Variants in ZNF496 observed in about 807,000 individuals in gnomAD.
ZNF496 encodes zinc finger protein 496, also known as NSD1 (nuclear receptor binding SET-domain containing 1)-interacting zinc finger protein 1.
ZNF496 carries 11 observed loss-of-function variants against 58.9 expected under a neutral mutation model. The ratio of observed to expected loss-of-function variants is 0.19; its 90% CI spans 0.12 to 0.31. The LOEUF (loss-of-function observed/expected upper bound fraction) is 0.31, where lower values mean the gene tolerates loss of function less well. ZNF496 is among the 10% of genes least tolerant of loss of function. The probability of loss-of-function intolerance (pLI) is 1.00; values close to 1 mark genes in which losing one functional copy is unlikely to be tolerated. For synonymous variants in ZNF496, 338 were observed against 318.2 expected (o/e 1.06, Z -0.66); for missense variants, 660 against 783.0 (o/e 0.84, Z 1.88).
intron 5 of ZNF496, among the ~76,000 whole-genome samples, chr1:247,324,529 C>T (rs542161877): frequency 6.8e-6 from 1 of 147,922 alleles, no homozygotes; most frequent in South Asian, 2.2e-4. Flanking sequence ...ATTAGCTTGA[C>T]TTTTTTTTTT....
intron 6 of ZNF496, among the ~76,000 whole-genome samples, chr1:247,315,258 T>A (rs1659734958): frequency 6.6e-6 from 1 of 152,042 alleles, no homozygotes; most frequent in African/African-American, 2.4e-5. Flanking sequence ...CTTCAATGCC[T>A]CCAGATGTGC....
At position 247,309,798 on chromosome 1, in the gene ZNF496, C is replaced by A; in HGVS notation, c.793G>T (p.Ala265Ser). Residue 265 changes from alanine to serine, a missense_variant, in exon 8 of 10, where the codon GCT becomes TCT. Physicochemically the swap from Ala to Ser is moderately conservative, Grantham distance 99 (BLOSUM62 1). Transcript: ENST00000682384. This position sits in a 1 kb window ranked among gnomAD's most constrained non-coding sequence, Gnocchi z 4.3. ...YGVSMPPNDL[A>S]AQPDLSQGEE... ...CCCTGGGAGAGATCTGGCTGGGCAGCTAGGTCGTCTGTTCAAAGAAAAAGG... is the reference window on the plus strand; with the variant it reads ...CCCTGGGAGAGATCTGGCTGGGCAGATAGGTCGTCTGTTCAAAGAAAAAGG... The A allele has an allele frequency of 6.2e-7, 1 of 1,614,160 alleles. No homozygotes were observed.
intron 6 of ZNF496, among the ~76,000 whole-genome samples, chr1:247,320,569 G>T (rs1659931393): frequency 6.6e-6 from 1 of 152,104 alleles, no homozygotes; most frequent in African/African-American, 2.4e-5. Flanking sequence ...ATGTATCATT[G>T]TCAATACCCT....
At chr1:247,326,226 C>T (rs1660124740) in intron 5 of ZNF496, among the ~76,000 whole-genome samples, 1 of 151,710 alleles carries the variant, frequency 6.6e-6, no homozygotes, top group Non-Finnish European at 1.5e-5. Flanking sequence ...TTTCAAGAAT[C>T]ACTTCGGAGA....
chr1:247,307,346 A>G, intron 9 of ZNF496: 1 of 985,392 alleles, frequency 1.0e-6, no homozygotes, highest in South Asian at 4.7e-5. Context: ...AGTCTGTGTC[A>G]GAGTCCAGCA....
chr1:247,329,419 C>T lies in ZNF496; in HGVS notation c.160G>A (p.Ala54Thr). The change falls in exon 4 of 10, where the codon GCG becomes ACG. Residue 54 changes from alanine to threonine, a missense_variant. Transcript: ENST00000682384. This position sits in a 1 kb window ranked among gnomAD's most constrained non-coding sequence, Gnocchi z 5.5. The part of the protein sequence containing the change: ...LFRRFRYQEA[A>T]GPREALQRLW... Reference sequence around the variant, plus strand: ...CGCTGCAGGGCCTCCCGGGGGCCCGCCGCCTCCTGGTAGCGGAAACGGCGG... The same window carrying T: ...CGCTGCAGGGCCTCCCGGGGGCCCGTCGCCTCCTGGTAGCGGAAACGGCGG... 6.2e-7 allele frequency: 1 copy of T among 1,613,108 alleles called. No individual in the cohort carries two copies. The highest frequency in any genetic ancestry group is 1.1e-5 in the South Asian group (1 of 91,034).
intron 6 of ZNF496, among the ~76,000 whole-genome samples, chr1:247,318,018 G>T (rs954862065): frequency 6.6e-6 from 1 of 152,188 alleles, no homozygotes; most frequent in African/African-American, 2.4e-5. Flanking sequence ...GACACAGAAA[G>T]TCTCAGCAAA....
rs997565347 is a variant in ZNF496 at position 247,299,299 on chromosome 1, A to T, written c.*1220T>A. ...CTTAAACAAAGGGAGGTTTGGAGAC[A>T]GACACGCACACAGCAAGAGTGCCAT... On this transcript the variant is annotated 3_prime_UTR_variant, in exon 10 of 10. Transcript: ENST00000682384. 1 of 152,268 alleles carries T rather than the reference A, an allele frequency of 6.6e-6. No individual in the cohort carries two copies. Among genetic ancestry groups the T allele is most frequent in the Admixed American group, 6.5e-5 (1 of 15,284 alleles). 9.4% of individuals were successfully genotyped at this position (152,268 alleles called of 1,614,324 possible). A position where few individuals can be genotyped will look rare whatever the true frequency, so the allele number is the denominator to read the frequency against.
At position 247,305,916 on chromosome 1, in the gene ZNF496, AAAAACAAAAC is replaced by A. The variant is rs765985374; in HGVS notation, c.1006+2549_1006+2558del. On this transcript the variant is annotated intron_variant, in intron 9 of 9. Coordinates refer to ENST00000682384, the MANE Select transcript of ZNF496 (RefSeq NM_032752.3). The stretch of plus-strand genomic sequence containing the variant: ...GCAACATAAAGAGACCCCATCTTTA[AAAAACAAAAC>A]AAAACAAAACAAAACATTTATATGC... Among the ~76,000 whole-genome samples, 5 of 152,344 alleles carry A rather than the reference AAAAACAAAAC, an allele frequency of 3.3e-5. No homozygotes were observed. In the East Asian group the frequency reaches 5.8e-4, roughly 18 times the overall value.
At chr1:247,322,589 T>C in intron 6 of ZNF496, 1 of 535,214 alleles carries the variant, frequency 1.9e-6, no homozygotes, top group Non-Finnish European at 3.0e-6. Context: ...TAAGATCACC[T>C]GCTGGACCAG....
chr1:247,330,860 G>A (rs4925621), intron 2 of ZNF496, among the ~76,000 whole-genome samples: 82,533 of 152,250 alleles, frequency 0.54, 23,225 homozygotes, highest in Middle Eastern at 0.78. Context: ...AAAAGCTACG[G>A]AACAACTGAG....
chr1:247,300,886 C>T lies in ZNF496; in HGVS notation c.1397G>A (p.Gly466Asp). Reference protein sequence around the residue: ...SHEAQKPYRCGACGKSFRLNS... With the variant: ...SHEAQKPYRCDACGKSFRLNS... Reference sequence around the variant, plus strand: ...CAGGCGGAAGCTCTTCCCGCAGGCACCACACCGGTAAGGCTTCTGGGCCTC... The same window carrying T: ...CAGGCGGAAGCTCTTCCCGCAGGCATCACACCGGTAAGGCTTCTGGGCCTC... The change falls in exon 10 of 10, where the codon GGT (glycine) becomes GAT (aspartate). Residue 466 changes from glycine (G) to aspartate (D), a missense_variant. Physicochemically the swap from Gly to Asp is moderately conservative, Grantham distance 94. Coordinates refer to ENST00000682384, the MANE Select transcript of ZNF496 (RefSeq NM_032752.3). This position sits in a 1 kb window ranked among gnomAD's most constrained non-coding sequence, Gnocchi z 5.7. 1 of 1,612,022 alleles carries T rather than the reference C, an allele frequency of 6.2e-7. No homozygotes were observed. Among genetic ancestry groups the T allele is most frequent in the Non-Finnish European group, 8.5e-7 (1 of 1,178,790 alleles).
chr1:247,315,060 C>CTTTT (rs67977969), intron 6 of ZNF496, among the ~76,000 whole-genome samples: 2 of 121,486 alleles, frequency 1.6e-5, no homozygotes, highest in Non-Finnish European at 3.3e-5. Flanking sequence ...CTTGACTAGT[C>CTTTT]TTTTTTTTTT....
chr1:247,326,842 A>G (rs1470421546), intron 5 of ZNF496, among the ~76,000 whole-genome samples: 2 of 152,196 alleles, frequency 1.3e-5, no homozygotes, highest in African/African-American at 2.4e-5. Context: ...CACAAAGGAA[A>G]GACCACATAA....
At chr1:247,326,119 T>TATACATACATATATATATATAC (rs1558158126) in intron 5 of ZNF496, among the ~76,000 whole-genome samples, 1 of 149,558 alleles carries the variant, frequency 6.7e-6, no homozygotes, top group Non-Finnish European at 1.5e-5. Context: ...CACACATATA[T>TATACATACATATATATATATAC]ATACATACAT....
In ZNF496 at chr1:247,310,118, G is replaced by A. The variant is rs1273845383; in HGVS notation, c.784+206C>T. Reference sequence around the variant, plus strand: ...TTGGTTCTGATAAGCCTGATGTGGCGAGACAGCAGGTGATGGTCAATCGGA... The same window carrying A: ...TTGGTTCTGATAAGCCTGATGTGGCAAGACAGCAGGTGATGGTCAATCGGA... On this transcript the variant is annotated intron_variant, in intron 7 of 9. Transcript: ENST00000682384. The A allele has an allele frequency of 9.1e-6, 13 of 1,432,720 alleles. No individual in the cohort carries two copies. The South Asian group carries it at 1.4e-4, about 15-fold the overall frequency. 88.8% of individuals were successfully genotyped at this position (1,432,720 alleles called of 1,614,324 possible).
chr1:247,329,374 C>T lies in ZNF496; in HGVS notation c.205G>A (p.Gly69Ser), dbSNP rs756732762. 6.2e-7 allele frequency: 1 copy of T among 1,613,574 alleles called. No homozygotes were observed. The change falls in exon 4 of 10, where the codon GGC (glycine) becomes AGC (serine). Residue 69 changes from glycine (G) to serine (S), a missense_variant. Coordinates refer to ENST00000682384, the MANE Select transcript of ZNF496 (RefSeq NM_032752.3). This position sits in a 1 kb window ranked among gnomAD's most constrained non-coding sequence, Gnocchi z 5.5. ...ALQRLWDLCG[G>S]WLRPERHTKE... ...GTGTGCCTCTCAGGCCGCAGCCAGC[C>T]CCCGCACAGGTCCCAGAGGCGCTGC...
intron 9 of ZNF496, among the ~76,000 whole-genome samples, chr1:247,302,977 C>T (rs1225240064): frequency 2.6e-5 from 4 of 152,050 alleles, no homozygotes; most frequent in East Asian, 1.9e-4. Flanking sequence ...GTTAACTGGG[C>T]GAGGAGATGG....
At chr1:247,321,782 A>C (rs1402342067) in intron 6 of ZNF496, among the ~76,000 whole-genome samples, 1 of 152,236 alleles carries the variant, frequency 6.6e-6, no homozygotes, top group Non-Finnish European at 1.5e-5. Context: ...TAAATGTCCA[A>C]ATTTTAATAA....
Sources: allele counts gnomAD v4.1 joint callset (sites outside exome capture counted in the v4.1 genomes callset), GRCh38; gene constraint gnomAD v4.1.1; non-coding constraint Gnocchi (gnomAD v3.1); transcripts MANE v1.5; gene names NCBI Gene and HGNC (gene_info 2026-07-23, HGNC 2026-07-21).